Variants in EPB41L3 observed in about 807,000 individuals in gnomAD.
EPB41L3 encodes erythrocyte membrane protein band 4.1 like 3.
Under a neutral mutation model 127.1 loss-of-function variants are expected in EPB41L3, and 57 were observed. The ratio of observed to expected loss-of-function variants is 0.45; its 90% CI spans 0.36 to 0.56. EPB41L3 has a LOEUF of 0.56. EPB41L3 is among the 20% of genes least tolerant of loss of function. The pLI, the probability that EPB41L3 is intolerant of heterozygous loss-of-function variation, is 0.00. For missense variants in EPB41L3, 1,273 were observed against 1,372.2 expected (o/e 0.93, Z 1.14); for synonymous variants, 572 against 549.5 (o/e 1.04, Z -0.57).
intron 3 of EPB41L3, among the ~76,000 whole-genome samples, chr18:5,447,620 G>A (rs143453196): frequency 6.6e-6 from 1 of 151,980 alleles, no homozygotes; most frequent in Non-Finnish European, 1.5e-5. Context: ...ATTTTCTGAC[G>A]CAAGAGACCA....
intron 2 of EPB41L3, among the ~76,000 whole-genome samples, chr18:5,613,626 G>A (rs1297298818): frequency 6.6e-6 from 1 of 152,176 alleles, no homozygotes; most frequent in Non-Finnish European, 1.5e-5. Context: ...GTTATACTGA[G>A]ACCTTATTTG....
chr18:5,620,159 CA>C (rs1478675515), intron 1 of EPB41L3, among the ~76,000 whole-genome samples: 1 of 151,938 alleles, frequency 6.6e-6, no homozygotes, highest in East Asian at 1.9e-4. Flanking sequence ...TAATCTATGA[CA>C]ATGCTTCAGG....
Position 5,572,803 on chromosome 18 carries a change from G to A in EPB41L3, c.-306+39537C>T, listed in dbSNP as rs138176267. On this transcript the variant is annotated intron_variant, in intron 3 of 21. Coordinates refer to the EPB41L3 transcript ENST00000545076. ...TGCCCAGGCTTATCTCAAACTCCTG[G>A]CCTCAAGCAATCCTCCCACCTTGGC... 1.4e-3 allele frequency among the ~76,000 whole-genome samples: 217 copies of A among 152,198 alleles called. 1 individual carries two copies. The highest frequency in any genetic ancestry group is 6.8e-3 in the Middle Eastern group (2 of 294).
At position 5,407,735 on chromosome 18, in the gene EPB41L3, G is replaced by A. The variant is rs149578114; in HGVS notation, c.2123C>T (p.Ser708Leu). The A allele has an allele frequency of 5.0e-6, 8 of 1,613,746 alleles. No individual in the cohort carries two copies. Among genetic ancestry groups the A allele is most frequent in the East Asian group, 2.2e-5 (1 of 44,872 alleles). The change falls in exon 15 of 23, where the codon TCG becomes TTG. Residue 708 changes from serine (S) to leucine (L), a missense_variant and splice_region_variant. Coordinates refer to ENST00000341928, the MANE Select transcript of EPB41L3 (RefSeq NM_012307.5). ...GAGCTCTGCATCTTCCTCCTGGTCCGACTGCCAGCATCAAGAAAGAGTGGG... is the reference window on the plus strand; with the variant it reads ...GAGCTCTGCATCTTCCTCCTGGTCCAACTGCCAGCATCAAGAAAGAGTGGG... ...AADGETTATE[S>L]DQEEDAELKA...
chr18:5,501,958 AG>A (rs2091781267), intron 1 of EPB41L3, among the ~76,000 whole-genome samples: 1 of 152,138 alleles, frequency 6.6e-6, no homozygotes, highest in Non-Finnish European at 1.5e-5. Flanking sequence ...TAGCACTGAA[AG>A]GGCTCCCCAT....
chr18:5,511,911 G>A (rs563488712), intron 1 of EPB41L3, among the ~76,000 whole-genome samples: 5 of 152,218 alleles, frequency 3.3e-5, no homozygotes, highest in Admixed American at 6.5e-5. Context: ...GTACAGATTC[G>A]CAGTTTCAAA....
chr18:5,420,159 A>T (rs1397373959), intron 11 of EPB41L3: 3 of 523,840 alleles, frequency 5.7e-6, no homozygotes, highest in Non-Finnish European at 1.0e-5. Flanking sequence ...TTGGAATTTC[A>T]TCTATCCTCA....
At chr18:5,420,339 C>A (rs1325608222) in intron 11 of EPB41L3, 1 of 160,836 alleles carries the variant, frequency 6.2e-6, no homozygotes, top group African/African-American at 2.4e-5. Context: ...ATACACTTGG[C>A]TCTTTGGAAG....
At chr18:5,493,220 T>A (rs1012840349) in intron 1 of EPB41L3, among the ~76,000 whole-genome samples, 2 of 152,230 alleles carry the variant, frequency 1.3e-5, no homozygotes, top group Non-Finnish European at 2.9e-5. Flanking sequence ...TGGCATTTTA[T>A]GAAAAGACAC....
At chr18:5,630,550 G>C (rs560953570), upstream of EPB41L3, 5 of 516,188 alleles carry the variant, frequency 9.7e-6, no homozygotes, top group Non-Finnish European at 1.9e-5. Flanking sequence ...TCTCGGGCTC[G>C]GCGGCGGGAA....
chr18:5,592,342 C>T (rs2094493645), intron 3 of EPB41L3, among the ~76,000 whole-genome samples: 2 of 151,956 alleles, frequency 1.3e-5, no homozygotes, highest in African/African-American at 4.8e-5. Flanking sequence ...AATTTTTGTA[C>T]TTTTAGGAGA....
At chr18:5,515,227 G>A (rs892755994) in intron 1 of EPB41L3, among the ~76,000 whole-genome samples, 2 of 152,152 alleles carry the variant, frequency 1.3e-5, no homozygotes, top group Admixed American at 6.6e-5. Context: ...CTCTCCAGCT[G>A]CCACCATGTA....
At chr18:5,551,834 A>G (rs1442890868) in intron 3 of EPB41L3, among the ~76,000 whole-genome samples, 2 of 152,188 alleles carry the variant, frequency 1.3e-5, no homozygotes, top group East Asian at 3.8e-4. Context: ...TCATAATTGA[A>G]AGTTTATATT....
intron 3 of EPB41L3, among the ~76,000 whole-genome samples, chr18:5,564,843 G>C (rs929520531): frequency 6.6e-6 from 1 of 152,110 alleles, no homozygotes; most frequent in African/African-American, 2.4e-5. Context: ...CTTGTGTATT[G>C]AGTGGGTTGG....
intron 3 of EPB41L3, among the ~76,000 whole-genome samples, chr18:5,471,131 C>T (rs2086070104): frequency 6.6e-6 from 1 of 152,176 alleles, no homozygotes; most frequent in African/African-American, 2.4e-5. Context: ...ACGACTCCTA[C>T]AAAGGCTACA....
intron 1 of EPB41L3, among the ~76,000 whole-genome samples, chr18:5,502,155 A>C (rs536562711): frequency 6.6e-6 from 1 of 152,330 alleles, no homozygotes; most frequent in Admixed American, 6.5e-5. Flanking sequence ...TGTCCCACAC[A>C]ATGGACAAAA....
At chr18:5,537,231 A>T (rs2093601786) in intron 1 of EPB41L3, among the ~76,000 whole-genome samples, 1 of 152,312 alleles carries the variant, frequency 6.6e-6, no homozygotes, top group East Asian at 1.9e-4. Context: ...GTATTGTTAG[A>T]CTATATTTTA....
chr18:5,491,801 CTT>C (rs774656928), intron 1 of EPB41L3, among the ~76,000 whole-genome samples: 4 of 152,136 alleles, frequency 2.6e-5, no homozygotes, highest in Non-Finnish European at 4.4e-5. Context: ...AGTAATAAAA[CTT>C]TAAAATGTAC....
At chr18:5,444,102 G>A (rs1161011100) in intron 4 of EPB41L3, among the ~76,000 whole-genome samples, 1 of 152,200 alleles carries the variant, frequency 6.6e-6, no homozygotes, top group African/African-American at 2.4e-5. Context: ...GTTTGGGCCT[G>A]ACAAAAGTCT....
Sources: allele counts gnomAD v4.1 joint callset (sites outside exome capture counted in the v4.1 genomes callset), GRCh38; gene constraint gnomAD v4.1.1; transcripts MANE v1.5; gene names NCBI Gene and HGNC (gene_info 2026-07-23, HGNC 2026-07-21).